Variants in SNTG1 observed in about 807,000 individuals in gnomAD.
SNTG1 encodes the protein syntrophin gamma 1, also known as gamma-1-syntrophin.
SNTG1 carries 39 observed loss-of-function variants against 74.7 expected under a neutral mutation model. The observed-to-expected ratio is 0.52, with a 90% CI of 0.40 to 0.68. SNTG1 has a LOEUF of 0.68. Ranked by LOEUF, SNTG1 falls within the 30% of genes least tolerant of loss-of-function variation. The pLI is 0.00. For synonymous variants in SNTG1, 254 were observed against 217.1 expected (o/e 1.17, Z -1.49); for missense variants, 685 against 609.5 (o/e 1.12, Z -1.30).
intron 12 of SNTG1, among the ~76,000 whole-genome samples, chr8:50,554,769 A>G (rs1359469406): frequency 6.6e-6 from 1 of 152,202 alleles, no homozygotes; most frequent in African/African-American, 2.4e-5. Context: ...GGATGCTTCT[A>G]GAGTTAAACA....
chr8:50,512,050 G>A (rs951247447), intron 9 of SNTG1, among the ~76,000 whole-genome samples: 19 of 152,042 alleles, frequency 1.2e-4, no homozygotes, highest in African/African-American at 4.3e-4. Context: ...GCAGTGGCTG[G>A]TACTGGTTTT....
intron 1 of SNTG1, among the ~76,000 whole-genome samples, chr8:50,113,393 T>A (rs192153741): frequency 6.6e-6 from 1 of 152,334 alleles, no homozygotes; most frequent in Admixed American, 6.5e-5. Context: ...ATGTCTTTTA[T>A]TGGTTTATAA....
intron 12 of SNTG1, among the ~76,000 whole-genome samples, chr8:50,573,265 G>A (rs963730722): frequency 6.6e-6 from 1 of 152,022 alleles, no homozygotes; most frequent in African/African-American, 2.4e-5. Flanking sequence ...CTAAATCAAT[G>A]CTGCTAAAAG....
intron 1 of SNTG1, among the ~76,000 whole-genome samples, chr8:50,072,027 C>T (rs1275203791): frequency 6.6e-6 from 1 of 152,084 alleles, no homozygotes; most frequent in African/African-American, 2.4e-5. Flanking sequence ...AATGAACCCC[C>T]CAGTGTGATT....
At chr8:50,199,594 TC>T (rs1021849259) in intron 2 of SNTG1, among the ~76,000 whole-genome samples, 54 of 152,090 alleles carry the variant, frequency 3.6e-4, no homozygotes, top group African/African-American at 1.3e-3. Context: ...TTGAAGCAAT[TC>T]TGAGAAATAT....
At chr8:50,051,602 A>G (rs1318434596) in intron 1 of SNTG1, among the ~76,000 whole-genome samples, 2 of 152,114 alleles carry the variant, frequency 1.3e-5, no homozygotes, top group African/African-American at 4.8e-5. Context: ...TGAAACACAT[A>G]CAAAGATCCT....
At chr8:50,104,054 A>G (rs2080263633) in intron 1 of SNTG1, among the ~76,000 whole-genome samples, 1 of 152,192 alleles carries the variant, frequency 6.6e-6, no homozygotes, top group African/African-American at 2.4e-5. Flanking sequence ...CAGCTTTGGC[A>G]TCAGGATGAT....
chr8:50,030,379 C>T (rs1381563440), intron 1 of SNTG1, among the ~76,000 whole-genome samples: 3 of 151,852 alleles, frequency 2.0e-5, no homozygotes, highest in Non-Finnish European at 4.4e-5. Context: ...TTGCCTTGGT[C>T]GCTGTGCTTT....
At chr8:50,536,531 T>G in intron 10 of SNTG1, 147 bp from the exon 11 acceptor site, 2 of 882,706 alleles carry the variant, frequency 2.3e-6, no homozygotes, top group South Asian at 3.7e-5. Context: ...TTAGTGTCCA[T>G]AATTTGGACT....
At chr8:50,693,184 C>G (rs2095389778) in intron 15 of SNTG1, among the ~76,000 whole-genome samples, 1 of 152,188 alleles carries the variant, frequency 6.6e-6, no homozygotes, top group Non-Finnish European at 1.5e-5. Context: ...AGGGAATTCC[C>G]TGACCCCTTG....
At chr8:50,689,873 G>A (rs2095369903) in intron 15 of SNTG1, among the ~76,000 whole-genome samples, 1 of 152,096 alleles carries the variant, frequency 6.6e-6, no homozygotes, top group Non-Finnish European at 1.5e-5. Context: ...GAATCCATTT[G>A]GTCCTGGACA....
At chr8:50,204,018 A>G (rs893325477) in intron 2 of SNTG1, among the ~76,000 whole-genome samples, 1 of 152,094 alleles carries the variant, frequency 6.6e-6, no homozygotes, top group African/African-American at 2.4e-5. Context: ...AAAAATGCAT[A>G]ATGATACCCC....
intron 4 of SNTG1, among the ~76,000 whole-genome samples, chr8:50,408,207 C>G (rs1224893302): frequency 6.6e-6 from 1 of 152,022 alleles, no homozygotes; most frequent in East Asian, 1.9e-4. Context: ...AGTTTCAGTC[C>G]CCAGTATGGA....
chr8:50,638,418 A>T (rs1585920467), intron 13 of SNTG1, among the ~76,000 whole-genome samples: 1 of 152,126 alleles, frequency 6.6e-6, no homozygotes, highest in South Asian at 2.1e-4. Flanking sequence ...TATAAATTAT[A>T]TATTCAAAGC....
chr8:50,522,098 C>A (rs1002499270), intron 9 of SNTG1, among the ~76,000 whole-genome samples: 11 of 152,164 alleles, frequency 7.2e-5, no homozygotes, highest in Non-Finnish European at 1.0e-4. Context: ...CCATCTATGG[C>A]AGCTGTCCCT....
chr8:50,443,810 C>G (rs923574532), intron 5 of SNTG1, among the ~76,000 whole-genome samples: 1 of 152,134 alleles, frequency 6.6e-6, no homozygotes, highest in African/African-American at 2.4e-5. Flanking sequence ...CATGTTTCCT[C>G]TCTATGCTGT....
At chr8:50,618,877 TTA>T (rs1737046068) in intron 13 of SNTG1, among the ~76,000 whole-genome samples, 1 of 134,018 alleles carries the variant, frequency 7.5e-6, no homozygotes, top group African/African-American at 2.8e-5. Flanking sequence ...CAAGATGGAA[TTA>T]TATATGTGTA....
chr8:50,045,547 G>C (rs538868229), intron 1 of SNTG1, among the ~76,000 whole-genome samples: 3 of 152,164 alleles, frequency 2.0e-5, no homozygotes, highest in East Asian at 1.9e-4. Flanking sequence ...TAAGATTTAG[G>C]GGGGACAACA....
chr8:50,690,354 G>T (rs973892840), intron 15 of SNTG1, among the ~76,000 whole-genome samples: 1 of 152,060 alleles, frequency 6.6e-6, no homozygotes, highest in East Asian at 1.9e-4. Flanking sequence ...TGTCAATTTT[G>T]GATCTTTCCT....
Sources: gnomAD v4.1 joint callset for allele counts (sites outside exome capture counted in the v4.1 genomes callset) on GRCh38, gnomAD v4.1.1 for gene constraint, MANE v1.5 for transcripts, NCBI Gene and HGNC (gene_info 2026-07-23, HGNC 2026-07-21) for gene names.